Variants in DOCK1 observed in about 807,000 individuals in gnomAD.
The protein encoded by DOCK1 is dedicator of cytokinesis 1, also known as dedicator of cytokinesis protein 1.
Under a neutral mutation model 262.7 loss-of-function variants are expected in DOCK1, and 138 were observed. That is an observed-to-expected ratio of 0.53 (90% CI 0.46 to 0.61). The LOEUF (loss-of-function observed/expected upper bound fraction) is 0.61. Ranked by LOEUF, DOCK1 falls within the 20% of genes least tolerant of loss-of-function variation. The probability of loss-of-function intolerance (pLI) is 0.00; values close to 1 mark genes in which losing one functional copy is unlikely to be tolerated. For synonymous variants in DOCK1, 866 were observed against 867.4 expected (o/e 1.00, Z 0.03); for missense variants, 1,908 against 2,370.7 (o/e 0.80, Z 4.05).
At chr10:126,988,788 A>G (rs1372525364) in intron 5 of DOCK1, among the ~76,000 whole-genome samples, 1 of 152,156 alleles carries the variant, frequency 6.6e-6, no homozygotes, top group Non-Finnish European at 1.5e-5. Flanking sequence ...ATATTTTTAT[A>G]TGGGCTGGGC....
chr10:127,012,296 G>A lies in DOCK1; in HGVS notation c.1123G>A (p.Val375Met), dbSNP rs1244790249. ...LNMSSRFSPR[V>M]AGENDFLQTV... ...CATGTCATCCCGTTTTTCACCCAGG[G>A]TGGCAGGGGAGAATGACTTCCTTCA... Residue 375 changes from valine to methionine, a missense_variant, in exon 12 of 52, where the codon GTG becomes ATG. Transcript: ENST00000623213. This position sits in a 1 kb window ranked among gnomAD's most constrained non-coding sequence, Gnocchi z 4.0. 4 of 1,613,892 alleles carry A rather than the reference G, an allele frequency of 2.5e-6. No individual in the cohort carries two copies. Among genetic ancestry groups the A allele is most frequent in the African/African-American group, 1.3e-5 (1 of 74,922 alleles).
At chr10:127,167,700 C>T (rs2054203892) in intron 27 of DOCK1, among the ~76,000 whole-genome samples, 1 of 152,074 alleles carries the variant, frequency 6.6e-6, no homozygotes, top group Non-Finnish European at 1.5e-5. Context: ...AAATCCAGGT[C>T]TCCTGACGCT....
intron 1 of DOCK1, among the ~76,000 whole-genome samples, chr10:126,949,826 A>G (rs1176033868): frequency 6.6e-6 from 1 of 151,682 alleles, no homozygotes; most frequent in Non-Finnish European, 1.5e-5. Flanking sequence ...TGGTTTTATG[A>G]GGGCTATTTG....
intron 33 of DOCK1, among the ~76,000 whole-genome samples, chr10:127,369,939 C>T (rs1002243663): frequency 6.6e-6 from 1 of 152,198 alleles, no homozygotes; most frequent in South Asian, 2.1e-4. Flanking sequence ...AGGATGTCAG[C>T]ATGGGCGCCT....
intron 27 of DOCK1, among the ~76,000 whole-genome samples, chr10:127,143,247 G>A (rs990956307): frequency 3.3e-5 from 5 of 152,180 alleles, no homozygotes; most frequent in African/African-American, 4.8e-5. Flanking sequence ...CTGGTGCCCC[G>A]GAGCTTGCTT....
intron 4 of DOCK1, among the ~76,000 whole-genome samples, chr10:126,983,531 T>C (rs1490321971): frequency 2.0e-5 from 3 of 152,192 alleles, no homozygotes; most frequent in African/African-American, 7.2e-5. Context: ...CGTTCTCATA[T>C]GGCCTCTGTC....
chr10:127,165,659 G>T (rs1479676893), intron 27 of DOCK1, among the ~76,000 whole-genome samples: 2 of 152,124 alleles, frequency 1.3e-5, no homozygotes, highest in East Asian at 3.9e-4. Context: ...GAGGAAGGAA[G>T]AGCCAGACAG....
chr10:127,046,179 C>T (rs765354164), intron 21 of DOCK1, among the ~76,000 whole-genome samples: 16 of 152,000 alleles, frequency 1.1e-4, no homozygotes, highest in Non-Finnish European at 7.4e-5. Context: ...ATAAGAGGTG[C>T]GTGGTCCAGT....
At chr10:127,086,609 A>G (rs1251584720) in intron 23 of DOCK1, among the ~76,000 whole-genome samples, 1 of 152,176 alleles carries the variant, frequency 6.6e-6, no homozygotes, top group East Asian at 1.9e-4. Context: ...TGTATATAAC[A>G]GTTAATTAAA....
intron 1 of DOCK1, among the ~76,000 whole-genome samples, chr10:126,950,575 G>T (rs1372370927): frequency 1.3e-5 from 2 of 152,068 alleles, no homozygotes; most frequent in African/African-American, 2.4e-5. Context: ...GCAGAGAGAG[G>T]GACTCTGCAG....
At chr10:127,249,414 T>C (rs56287050) in intron 28 of DOCK1, among the ~76,000 whole-genome samples, 1 of 42,406 alleles carries the variant, frequency 2.4e-5, no homozygotes, top group Middle Eastern at 0.012. Context: ...CATATATATA[T>C]ACATGTACAT....
intron 48 of DOCK1, among the ~76,000 whole-genome samples, chr10:127,436,389 A>C (rs932559300): frequency 6.6e-6 from 1 of 152,142 alleles, no homozygotes; most frequent in African/African-American, 2.4e-5. Flanking sequence ...GTGGTGGTGC[A>C]TGCCTGTAGT....
intron 1 of DOCK1, among the ~76,000 whole-genome samples, chr10:126,952,629 A>G (rs954041254): frequency 1.6e-5 from 2 of 127,534 alleles, no homozygotes. Context: ...ATTGTTGGTG[A>G]TGTAGTATTG....
At chr10:127,390,013 C>A (rs113720175) in intron 38 of DOCK1, among the ~76,000 whole-genome samples, 330 of 7,862 alleles carry the variant, frequency 0.042, 19 homozygotes, top group South Asian at 0.091. Flanking sequence ...CTGTCTCAAA[C>A]AAAAAAAAAA....
chr10:127,145,859 CT>C, intron 27 of DOCK1: 1 of 377,432 alleles, frequency 2.6e-6, no homozygotes, highest in South Asian at 2.0e-5. Context: ...CCATTAGCTG[CT>C]TGTGTGTGTC....
intron 33 of DOCK1, among the ~76,000 whole-genome samples, chr10:127,366,952 G>A (rs1479376494): frequency 6.6e-6 from 1 of 152,162 alleles, no homozygotes; most frequent in Admixed American, 6.5e-5. Flanking sequence ...CCGTGATAGA[G>A]CTTATGTTTT....
chr10:126,940,232 G>A (rs2034884428), intron 1 of DOCK1, among the ~76,000 whole-genome samples: 1 of 152,182 alleles, frequency 6.6e-6, no homozygotes, highest in Admixed American at 6.5e-5. Context: ...GATTTGCCTT[G>A]CTTTGTAATT....
At chr10:127,136,048 CT>C (rs2133203970) in intron 27 of DOCK1, 1 of 152,686 alleles carries the variant, frequency 6.5e-6, no homozygotes, top group South Asian at 2.1e-4. Flanking sequence ...TTCTCAGTTC[CT>C]TTTATTGATA....
chr10:127,044,067 C>G (rs1052873546), intron 21 of DOCK1, among the ~76,000 whole-genome samples: 3 of 152,084 alleles, frequency 2.0e-5, no homozygotes, highest in Non-Finnish European at 4.4e-5. Context: ...GTGTGAGTTA[C>G]AGCAAAACAT....
Sources: gnomAD v4.1 joint callset for allele counts (sites outside exome capture counted in the v4.1 genomes callset) on GRCh38, gnomAD v4.1.1 for gene constraint, Gnocchi (gnomAD v3.1) non-coding constraint, MANE v1.5 for transcripts, NCBI Gene and HGNC (gene_info 2026-07-23, HGNC 2026-07-21) for gene names.